SCFD1: variants seen among roughly 807,000 people sequenced by gnomAD.
The protein encoded by SCFD1 is sec1 family domain-containing protein 1.
SCFD1 carries 37 observed loss-of-function variants against 103.2 expected under a neutral mutation model. The observed-to-expected ratio is 0.36, with a 90% CI of 0.28 to 0.47. The LOEUF is 0.47. Among genes scored for constraint, SCFD1 ranks in the 20% least tolerant of loss-of-function variants. SCFD1 has a pLI of 1.00. For missense variants in SCFD1, 639 were observed against 761.2 expected, an observed-to-expected ratio of 0.84 and a Z score of 1.89; for synonymous variants, 264 against 245.0, an observed-to-expected ratio of 1.08 and a Z score of -0.73.
chr14:30,718,544 T>C (rs1566659310), intron 20 of SCFD1, among the ~76,000 whole-genome samples: 1 of 152,206 alleles, frequency 6.6e-6, no homozygotes, highest in Non-Finnish European at 1.5e-5. Flanking sequence ...GATGGACAAA[T>C]TGATTTGGAG....
intron 4 of SCFD1, 141 bp from the exon 5 acceptor site, chr14:30,637,984 G>GT (rs1202065739): frequency 6.8e-5 from 77 of 1,131,948 alleles, no homozygotes; most frequent in Non-Finnish European, 8.7e-5. Context: ...TACTTCAAAG[G>GT]TTTTTTCTCT....
rs1486337418 is a variant in SCFD1 at position 30,653,580 on chromosome 14, G to A, written c.847G>A (p.Asp283Asn). ...TTGGACATATCAAGCATTGGTGCACGATGTACTGGTAAGAGACTAAATGCA... is the reference window on the plus strand; with the variant it reads ...TTGGACATATCAAGCATTGGTGCACAATGTACTGGTAAGAGACTAAATGCA... ...HTWTYQALVH[D>N]VLDFHLNRVN... The change falls in exon 10 of 25, where the codon GAT becomes AAT. Residue 283 changes from aspartate (D) to asparagine (N), a missense_variant. Coordinates refer to ENST00000458591, the MANE Select transcript of SCFD1 (RefSeq NM_016106.4). 5 of 1,604,350 alleles carry A rather than the reference G, an allele frequency of 3.1e-6. No individual in the cohort carries two copies. The African/African-American group carries it at 4.0e-5, about 13-fold the overall frequency.
intron 14 of SCFD1, among the ~76,000 whole-genome samples, chr14:30,689,842 T>C (rs1198404236): frequency 1.1e-4 from 15 of 136,130 alleles, no homozygotes; most frequent in South Asian, 5.1e-4. Context: ...AGCTTTGTTC[T>C]GTTGCTGGTG....
upstream of SCFD1, chr14:30,622,266 C>T (rs1293436119): frequency 5.1e-6 from 8 of 1,576,492 alleles, no homozygotes; most frequent in Non-Finnish European, 6.9e-6. Context: ...GGCTTTGCTT[C>T]CGGGGCGGTA....
intron 2 of SCFD1, 66 bp downstream of exon 2, chr14:30,628,345 G>C: frequency 1.0e-6 from 1 of 989,676 alleles, no homozygotes; most frequent in South Asian, 1.4e-5. Context: ...GTAATTGGAG[G>C]GAATTTATTG....
chr14:30,638,127 T>G lies in SCFD1; in HGVS notation c.315T>G (p.Asp105Glu). The G allele has an allele frequency of 6.2e-7, 1 of 1,601,334 alleles. No homozygotes were observed. The highest frequency in any genetic ancestry group is 8.5e-7 in the Non-Finnish European group (1 of 1,174,866). ...TAAAGTTTTCATTGTATTGATAGGA[T>G]CTTCGAAATCAACTATATGAATCAT... ...TEENIDRMCQ[D>E]LRNQLYESYY... The change falls in exon 5 of 25, where the codon GAT becomes GAG. Residue 105 changes from aspartate to glutamate, a missense_variant and splice_region_variant. Transcript: ENST00000458591.
chr14:30,654,980 A>G (rs1813896116), intron 10 of SCFD1, among the ~76,000 whole-genome samples: 1 of 152,194 alleles, frequency 6.6e-6, no homozygotes, highest in African/African-American at 2.4e-5. Flanking sequence ...AGTTCTACCA[A>G]TATTTGAGTG....
At chr14:30,645,005 T>A (rs1305027837) in intron 7 of SCFD1, among the ~76,000 whole-genome samples, 1 of 152,194 alleles carries the variant, frequency 6.6e-6, no homozygotes, top group Non-Finnish European at 1.5e-5. Flanking sequence ...AGTTTATTTT[T>A]GTATATGGTG....
chr14:30,670,422 A>T, intron 11 of SCFD1, 27 bp downstream of exon 11: 1 of 1,474,126 alleles, frequency 6.8e-7, no homozygotes, highest in Non-Finnish European at 9.1e-7. Context: ...TAAGTAAAAG[A>T]TTCATTTTTT....
At chr14:30,665,236 T>C (rs764173340) in intron 10 of SCFD1, among the ~76,000 whole-genome samples, 3 of 152,180 alleles carry the variant, frequency 2.0e-5, no homozygotes, top group Non-Finnish European at 4.4e-5. Flanking sequence ...GGGGGCAATA[T>C]TCAACATTCT....
chr14:30,644,549 G>T (rs1194418244), intron 7 of SCFD1, among the ~76,000 whole-genome samples: 4 of 152,282 alleles, frequency 2.6e-5, no homozygotes, highest in African/African-American at 9.6e-5. Flanking sequence ...ATTCTGACTG[G>T]TGTGAGATGG....
At chr14:30,719,101 G>A (rs1163380311) in intron 20 of SCFD1, among the ~76,000 whole-genome samples, 1 of 152,132 alleles carries the variant, frequency 6.6e-6, no homozygotes, top group Non-Finnish European at 1.5e-5. Flanking sequence ...TCTGAAAAAT[G>A]AGGGTAACAG....
chr14:30,637,523 ATTCTTAGTGT>A (rs1167525695), intron 4 of SCFD1, among the ~76,000 whole-genome samples: 1 of 152,124 alleles, frequency 6.6e-6, no homozygotes, highest in African/African-American at 2.4e-5. Flanking sequence ...GGCATCATTA[ATTCTTAGTGT>A]TACATAAAAT....
chr14:30,633,860 T>G (rs1409228925), intron 3 of SCFD1, 87 bp from the exon 4 acceptor site: 3 of 671,744 alleles, frequency 4.5e-6, no homozygotes, highest in Non-Finnish European at 7.6e-6. Flanking sequence ...CTGGTTACTG[T>G]CCTTGAGCTA....
chr14:30,700,399 G>A (rs529924344), intron 16 of SCFD1, 141 bp downstream of exon 16: 155 of 649,136 alleles, frequency 2.4e-4, no homozygotes, highest in African/African-American at 2.0e-3. Flanking sequence ...ATGGCCAGGC[G>A]TGGTGACTCA....
At chr14:30,678,734 C>T (rs1198334591) in intron 14 of SCFD1, among the ~76,000 whole-genome samples, 7 of 152,184 alleles carry the variant, frequency 4.6e-5, no homozygotes, top group East Asian at 1.9e-4. Flanking sequence ...TTCTTTCCCC[C>T]AGTGTTCCCA....
chr14:30,663,838 A>C (rs569286276), intron 10 of SCFD1, among the ~76,000 whole-genome samples: 1 of 152,316 alleles, frequency 6.6e-6, no homozygotes, highest in Admixed American at 6.5e-5. Flanking sequence ...TTTATGCCTC[A>C]GTTTTTTCAT....
intron 15 of SCFD1, among the ~76,000 whole-genome samples, chr14:30,698,169 A>G (rs78169498): frequency 5.8e-4 from 88 of 152,362 alleles, no homozygotes; most frequent in African/African-American, 2.0e-3. Context: ...TCTAAAATAC[A>G]TCAGATTACT....
At chr14:30,677,690 C>G (rs769327623) in intron 14 of SCFD1, among the ~76,000 whole-genome samples, 19 of 151,904 alleles carry the variant, frequency 1.3e-4, no homozygotes, top group Non-Finnish European at 1.2e-4. Context: ...TATACCATTA[C>G]TATGTTAAGC....
Sources: gnomAD v4.1 joint callset for allele counts (sites outside exome capture counted in the v4.1 genomes callset) on GRCh38, gnomAD v4.1.1 for gene constraint, MANE v1.5 for transcripts, NCBI Gene and HGNC (gene_info 2026-07-23, HGNC 2026-07-21) for gene names.